OPHN1: variants seen among roughly 807,000 people sequenced by gnomAD.
The protein encoded by OPHN1 is oligophrenin 1, also known as oligophrenin-1.
Under a neutral mutation model 60.7 loss-of-function variants are expected in OPHN1, and 11 were observed. That is an observed-to-expected ratio of 0.18 (90% CI 0.11 to 0.30). OPHN1 has a LOEUF of 0.30. Ranked by LOEUF, OPHN1 falls within the 10% of genes least tolerant of loss-of-function variation. The probability of loss-of-function intolerance (pLI) is 1.00; values close to 1 mark genes in which losing one functional copy is unlikely to be tolerated. For missense variants in OPHN1, 449 were observed against 611.0 expected, an observed-to-expected ratio of 0.73 and a Z score of 2.80; for synonymous variants, 226 against 222.6, an observed-to-expected ratio of 1.02 and a Z score of -0.14.
chrX:68,234,694 C>T, intron 5 of OPHN1, 106 bp from the exon 6 acceptor site: 2 of 619,842 alleles, frequency 3.2e-6, no homozygotes, highest in South Asian at 2.4e-5. Flanking sequence ...TGGTCAATCC[C>T]TCTAGCTCCT....
At chrX:68,190,500 A>G (rs1293868114) in intron 15 of OPHN1, among the ~76,000 whole-genome samples, 1 of 111,928 alleles carries the variant, frequency 8.9e-6, no homozygotes, top group East Asian at 2.8e-4. Context: ...TTCCTGGTCT[A>G]TATTTTAGAT....
intron 2 of OPHN1, among the ~76,000 whole-genome samples, chrX:68,431,996 C>T (rs2078888237): frequency 9.0e-6 from 1 of 110,657 alleles, no homozygotes; most frequent in African/African-American, 3.3e-5. Context: ...GTTGGCTTGC[C>T]TGCACTCTCG....
At chrX:68,130,109 C>T (rs2147458848) in intron 15 of OPHN1, among the ~76,000 whole-genome samples, 1 of 111,322 alleles carries the variant, frequency 9.0e-6, no homozygotes, top group African/African-American at 3.2e-5. Flanking sequence ...CACAGAATAA[C>T]AAATGTTATA....
chrX:68,222,372 G>A (rs1363368058), intron 6 of OPHN1, among the ~76,000 whole-genome samples: 15 of 108,013 alleles, frequency 1.4e-4, no homozygotes, highest in African/African-American at 4.7e-4. Context: ...TCAGTGTGGC[G>A]ATTCCTCAGG....
In OPHN1 at chrX:68,192,807, C is replaced by T. The variant is rs185010173; in HGVS notation, c.1276+112G>A. ...TGTGTATGTTTTACTTTAGAAAATA[C>T]TTTTTTCAACTATTCTACCACATTT... On this transcript the variant is annotated intron_variant, in intron 15 of 24. Transcript: ENST00000355520. 158 of 644,303 alleles carry T rather than the reference C, an allele frequency of 2.5e-4. No homozygotes were observed. In the African/African-American group the frequency reaches 3.2e-3, roughly 13 times the overall value. The allele number at this position is 644,303 out of a possible 1,213,427, so 53.1% of individuals were successfully genotyped here.
chrX:68,375,295 C>T (rs113608143), intron 2 of OPHN1, among the ~76,000 whole-genome samples: 1,302 of 111,433 alleles, frequency 0.012, 20 homozygotes, highest in African/African-American at 0.041. Flanking sequence ...GAGTTGGAGA[C>T]CAGCCTGCCA....
At chrX:68,426,445 A>C in intron 2 of OPHN1, among the ~76,000 whole-genome samples, 1 of 103,276 alleles carries the variant, frequency 9.7e-6, no homozygotes, top group East Asian at 3.2e-4. Flanking sequence ...TGTCTCAACA[A>C]CAACAAAAAA....
At chrX:68,185,718 G>A (rs768545106) in intron 15 of OPHN1, among the ~76,000 whole-genome samples, 4 of 110,573 alleles carry the variant, frequency 3.6e-5, no homozygotes, top group Non-Finnish European at 7.6e-5. Flanking sequence ...AAACACTAGC[G>A]TATGCAGTGA....
intron 15 of OPHN1, among the ~76,000 whole-genome samples, chrX:68,167,926 AC>A (rs2077367743): frequency 9.0e-6 from 1 of 111,108 alleles, no homozygotes; most frequent in Admixed American, 9.7e-5. Context: ...ATTAGCTGCA[AC>A]CTGGATGGAA....
At chrX:68,270,465 T>C (rs1479393765) in intron 5 of OPHN1, among the ~76,000 whole-genome samples, 1 of 107,875 alleles carries the variant, frequency 9.3e-6, no homozygotes, top group Non-Finnish European at 1.9e-5. Context: ...TGGAAACCAT[T>C]ATTCTCAGCA....
intron 2 of OPHN1, among the ~76,000 whole-genome samples, chrX:68,395,574 A>G (rs1351138977): frequency 1.8e-5 from 2 of 110,053 alleles, no homozygotes; most frequent in African/African-American, 3.3e-5. Flanking sequence ...CAGCCTCCCA[A>G]GTAGCTGGGA....
chrX:68,057,044 A>G (rs1020809861), intron 21 of OPHN1, among the ~76,000 whole-genome samples: 1 of 111,747 alleles, frequency 8.9e-6, no homozygotes, highest in Admixed American at 9.5e-5. Context: ...ACAATCTTGC[A>G]AGACAGAAAG....
chrX:68,050,935 C>T (rs1477014757), intron 23 of OPHN1, among the ~76,000 whole-genome samples: 1 of 112,152 alleles, frequency 8.9e-6, no homozygotes, highest in Non-Finnish European at 1.9e-5. Flanking sequence ...TATCTTCATG[C>T]TATCAGTAAG....
At chrX:68,328,575 C>T (rs1338589057) in intron 2 of OPHN1, among the ~76,000 whole-genome samples, 9 of 111,643 alleles carry the variant, frequency 8.1e-5, no homozygotes, top group African/African-American at 1.3e-4. Flanking sequence ...ACAAAAAATA[C>T]AGGAAATAAA....
chrX:68,202,937 T>C (rs2077541631), intron 10 of OPHN1, among the ~76,000 whole-genome samples: 1 of 111,433 alleles, frequency 9.0e-6, no homozygotes, highest in African/African-American at 3.3e-5. Flanking sequence ...AGACCTAGGG[T>C]CTTGTCTCAG....
chrX:68,143,372 T>C (rs1284697376), intron 15 of OPHN1, among the ~76,000 whole-genome samples: 2 of 111,091 alleles, frequency 1.8e-5, no homozygotes, highest in Non-Finnish European at 3.8e-5. Context: ...GGCATTAGAG[T>C]TGAAGATGTC....
chrX:68,352,546 GA>G (rs1315179056), intron 2 of OPHN1, among the ~76,000 whole-genome samples: 1 of 111,058 alleles, frequency 9.0e-6, no homozygotes, highest in Non-Finnish European at 1.9e-5. Context: ...TTTATTGGCA[GA>G]AAGAGGAGAA....
chrX:68,397,000 G>A (rs974717340), intron 2 of OPHN1, among the ~76,000 whole-genome samples: 2 of 110,377 alleles, frequency 1.8e-5, no homozygotes, highest in Non-Finnish European at 3.8e-5. Context: ...CCTGGGTCTT[G>A]AGGTTAATCT....
intron 2 of OPHN1, among the ~76,000 whole-genome samples, chrX:68,408,568 T>A (rs2078754927): frequency 8.9e-6 from 1 of 112,527 alleles, no homozygotes; most frequent in Admixed American, 9.5e-5. Context: ...GATATTGAGA[T>A]TATTAGAAAT....
Sources: gnomAD v4.1 joint callset for allele counts (sites outside exome capture counted in the v4.1 genomes callset) on GRCh38, gnomAD v4.1.1 for gene constraint, MANE v1.5 for transcripts, NCBI Gene and HGNC (gene_info 2026-07-23, HGNC 2026-07-21) for gene names.